Variants in FHIT observed in about 807,000 individuals in gnomAD.
FHIT encodes the protein bis(5'-adenosyl)-triphosphatase.
Under a neutral mutation model 17.9 loss-of-function variants are expected in FHIT, and 19 were observed. The ratio of observed to expected loss-of-function variants is 1.06; its 90% confidence interval spans 0.74 to 1.56. The LOEUF is 1.56. FHIT is among the 40% of genes most tolerant of loss of function. The pLI, the probability that FHIT is intolerant of heterozygous loss-of-function variation, is 0.00. For missense variants in FHIT, 248 were observed against 189.2 expected, an observed-to-expected ratio of 1.31 and a Z score of -1.82; for synonymous variants, 81 against 69.7, an observed-to-expected ratio of 1.16 and a Z score of -0.81.
At position 60,357,716 on chromosome 3, in the gene FHIT, T is replaced by C. The variant is rs538294218; in HGVS notation, c.103+179144A>G. 3.7e-4 allele frequency among the ~76,000 whole-genome samples: 56 copies of C among 152,324 alleles called. 1 individual carries two copies. The highest frequency in any genetic ancestry group is 3.4e-3 in the Middle Eastern group (1 of 294). ...TAGGCATATTATTCTCTGTAGTATA[T>C]ACTTTCATATTGATACACATATTTA... is the stretch of plus-strand genomic sequence containing the variant. On this transcript the variant is annotated intron_variant, in intron 5 of 9. Coordinates refer to ENST00000492590, the MANE Select transcript of FHIT (RefSeq NM_002012.4).
chr3:61,104,071 A>C (rs1234889019), intron 2 of FHIT, among the ~76,000 whole-genome samples: 1 of 151,996 alleles, frequency 6.6e-6, no homozygotes, highest in Non-Finnish European at 1.5e-5. Context: ...TTTACATTTA[A>C]GGTTAGTATT....
chr3:60,975,866 CA>C (rs1710210322), intron 3 of FHIT, among the ~76,000 whole-genome samples: 1 of 152,080 alleles, frequency 6.6e-6, no homozygotes, highest in Admixed American at 6.6e-5. Context: ...TATAATTTGA[CA>C]TATATTCCAC....
intron 3 of FHIT, among the ~76,000 whole-genome samples, chr3:61,003,488 C>T (rs1217719369): frequency 6.6e-6 from 1 of 152,174 alleles, no homozygotes; most frequent in Admixed American, 6.5e-5. Flanking sequence ...TCTGATGATT[C>T]TAATATTCAC....
At chr3:59,924,284 C>G (rs1575704598) in intron 7 of FHIT, among the ~76,000 whole-genome samples, 2 of 152,146 alleles carry the variant, frequency 1.3e-5, no homozygotes, top group Non-Finnish European at 2.9e-5. Flanking sequence ...TTTGTCCTTT[C>G]TTCTTTCTGT....
At chr3:60,628,662 A>T (rs4679480) in intron 4 of FHIT, among the ~76,000 whole-genome samples, 110,488 of 152,128 alleles carry the variant, frequency 0.73, 40,501 homozygotes, top group South Asian at 0.84. Flanking sequence ...TCATCTAGGT[A>T]ATCGATGGGT....
intron 5 of FHIT, among the ~76,000 whole-genome samples, chr3:60,150,089 G>A (rs1236210548): frequency 4.7e-5 from 7 of 150,168 alleles, no homozygotes. Flanking sequence ...TCTGCCTCTG[G>A]GGTTCAAGTG....
intron 5 of FHIT, among the ~76,000 whole-genome samples, chr3:60,077,829 T>TA (rs1033822478): frequency 1.2e-4 from 18 of 151,798 alleles, no homozygotes; most frequent in Non-Finnish European, 1.9e-4. Context: ...AAAATTGAAT[T>TA]AGAGTTTTTT....
chr3:61,061,562 C>CTTTTATTTATTTATTTAATTCTAT (rs1458263570), intron 2 of FHIT, among the ~76,000 whole-genome samples: 2 of 151,138 alleles, frequency 1.3e-5, no homozygotes, highest in Non-Finnish European at 3.0e-5. Flanking sequence ...TCTAATTCTA[C>CTTTTATTTATTTATTTAATTCTAT]TTTTATTTAT....
intron 4 of FHIT, among the ~76,000 whole-genome samples, chr3:60,580,259 G>A (rs2037709171): frequency 6.6e-6 from 1 of 151,946 alleles, no homozygotes; most frequent in Non-Finnish European, 1.5e-5. Context: ...TGGATTCAGT[G>A]GTCACGTTAA....
intron 2 of FHIT, among the ~76,000 whole-genome samples, chr3:61,134,537 A>C (rs1193796800): frequency 1.3e-5 from 2 of 152,160 alleles, no homozygotes; most frequent in African/African-American, 4.8e-5. Context: ...CTTCAAAGGA[A>C]GGAGAAATGA....
intron 3 of FHIT, among the ~76,000 whole-genome samples, chr3:61,027,509 T>C (rs372902958): frequency 6.6e-6 from 1 of 152,240 alleles, no homozygotes; most frequent in Non-Finnish European, 1.5e-5. Flanking sequence ...TAAATTCACA[T>C]TGGTAGCTTG....
At chr3:60,136,857 T>A (rs969022560) in intron 5 of FHIT, among the ~76,000 whole-genome samples, 2 of 144,484 alleles carry the variant, frequency 1.4e-5, no homozygotes, top group African/African-American at 5.7e-5. Context: ...TATGGATTAG[T>A]AACAGTCTGA....
At chr3:60,866,576 A>G (rs1478879266) in intron 3 of FHIT, among the ~76,000 whole-genome samples, 1 of 152,180 alleles carries the variant, frequency 6.6e-6, no homozygotes, top group Admixed American at 6.6e-5. Context: ...GAACCACTCT[A>G]CTAAGCCTGT....
Position 59,897,772 on chromosome 3 carries a change from C to CTTT in FHIT, c.348+24571_348+24573dup, listed in dbSNP as rs11401556. Among the ~76,000 whole-genome samples, 1,346 of 144,636 alleles carry CTTT rather than the reference C, an allele frequency of 9.3e-3. 23 individuals carry two copies. The highest frequency in any genetic ancestry group is 0.031 in the African/African-American group (1,218 of 39,596). The allele number at this position is 144,636 out of a possible 152,430, so 94.9% of individuals were successfully genotyped here. On this transcript the variant is annotated intron_variant, in intron 8 of 9. Coordinates refer to ENST00000492590, the MANE Select transcript of FHIT (RefSeq NM_002012.4). ...CTCCAAAATCTGAAACTTTTTTTTTCTTTTTTTTTTTTGAGAGGGAATCTC... is the reference window on the plus strand; with the variant it reads ...CTCCAAAATCTGAAACTTTTTTTTTCTTTTTTTTTTTTTTTGAGAGGGAATCTC...
chr3:61,177,055 T>TAGTC (rs1369882260), intron 2 of FHIT, among the ~76,000 whole-genome samples: 1 of 151,956 alleles, frequency 6.6e-6, no homozygotes, highest in Non-Finnish European at 1.5e-5. Flanking sequence ...CGGGCGCCTG[T>TAGTC]AGTCCCAGCT....
intron 2 of FHIT, among the ~76,000 whole-genome samples, chr3:61,164,708 G>A (rs1175584150): frequency 6.6e-6 from 1 of 152,006 alleles, no homozygotes; most frequent in Non-Finnish European, 1.5e-5. Context: ...TATATTGTAT[G>A]ATGCTGAGGT....
At chr3:60,594,569 G>T (rs2038198622) in intron 4 of FHIT, among the ~76,000 whole-genome samples, 1 of 151,966 alleles carries the variant, frequency 6.6e-6, no homozygotes, top group Non-Finnish European at 1.5e-5. Flanking sequence ...AGCTTCCTGT[G>T]CCAACAGCCT....
intron 5 of FHIT, among the ~76,000 whole-genome samples, chr3:60,068,881 G>T (rs1028636160): frequency 2.6e-5 from 4 of 152,070 alleles, no homozygotes; most frequent in Admixed American, 1.3e-4. Flanking sequence ...ACATTAATAT[G>T]CATAAAATAC....
chr3:60,452,349 C>T (rs2031806287), intron 5 of FHIT, among the ~76,000 whole-genome samples: 2 of 152,140 alleles, frequency 1.3e-5, no homozygotes, highest in African/African-American at 4.8e-5. Flanking sequence ...AAAGTGGCCC[C>T]ATTTGACAGA....
Sources: allele counts gnomAD v4.1 joint callset (sites outside exome capture counted in the v4.1 genomes callset), GRCh38; gene constraint gnomAD v4.1.1; transcripts MANE v1.5; gene names NCBI Gene and HGNC (gene_info 2026-07-23, HGNC 2026-07-21).